KCNQ5: variants seen among roughly 807,000 people sequenced by gnomAD.
KCNQ5 encodes the protein potassium voltage-gated channel subfamily Q member 5, also known as potassium voltage-gated channel subfamily KQT member 5.
A neutral mutation model predicts 98.2 loss-of-function variants in KCNQ5; 30 were observed. The observed-to-expected ratio is 0.31, with a 90% CI of 0.23 to 0.41. KCNQ5 has a LOEUF of 0.41. KCNQ5 is among the 10% of genes least tolerant of loss of function. KCNQ5 has a pLI of 1.00. For missense variants in KCNQ5, 835 were observed against 1,182.5 expected (o/e 0.71, Z 4.31); for synonymous variants, 458 against 449.4 (o/e 1.02, Z -0.24).
chr6:72,896,148 CAATGTAGTTGA>C (rs1438781823), intron 1 of KCNQ5, among the ~76,000 whole-genome samples: 1 of 152,082 alleles, frequency 6.6e-6, no homozygotes, highest in African/African-American at 2.4e-5. Context: ...AAGGAGGTCA[CAATGTAGTTGA>C]AATGTCATAT....
chr6:73,121,132 G>A (rs1014453346), intron 8 of KCNQ5, among the ~76,000 whole-genome samples: 1 of 152,016 alleles, frequency 6.6e-6, no homozygotes. Context: ...GGGACCCAGC[G>A]GATTAAAATT....
At chr6:72,861,734 C>G (rs1239442648) in intron 1 of KCNQ5, among the ~76,000 whole-genome samples, 1 of 151,698 alleles carries the variant, frequency 6.6e-6, no homozygotes, top group Non-Finnish European at 1.5e-5. Flanking sequence ...AGAAGGCTCC[C>G]AAAATGATAT....
At chr6:72,871,611 A>G (rs1269547864) in intron 1 of KCNQ5, among the ~76,000 whole-genome samples, 2 of 152,236 alleles carry the variant, frequency 1.3e-5, no homozygotes, top group African/African-American at 4.8e-5. Flanking sequence ...ATTCTAAATT[A>G]TACTTGTCAT....
chr6:73,050,012 G>C (rs1337440196), intron 3 of KCNQ5, among the ~76,000 whole-genome samples: 1 of 151,704 alleles, frequency 6.6e-6, no homozygotes, highest in Non-Finnish European at 1.5e-5. Context: ...AACATAATGA[G>C]ACCCTATCTC....
intron 8 of KCNQ5, 75 bp from the exon 9 acceptor site, chr6:73,124,411 T>C: frequency 7.6e-7 from 1 of 1,320,706 alleles, no homozygotes; most frequent in Non-Finnish European, 1.1e-6. Context: ...CAATCTCCAA[T>C]TTGGCCATTA....
chr6:73,033,954 G>T (rs1029383132), intron 2 of KCNQ5, among the ~76,000 whole-genome samples: 2 of 152,156 alleles, frequency 1.3e-5, no homozygotes, highest in Non-Finnish European at 2.9e-5. Context: ...ATTGATGATG[G>T]TATGTGATGT....
chr6:72,777,296 T>C (rs1773207494), intron 1 of KCNQ5, among the ~76,000 whole-genome samples: 1 of 152,170 alleles, frequency 6.6e-6, no homozygotes, highest in Non-Finnish European at 1.5e-5. Flanking sequence ...ACTATAGCAC[T>C]CAAAGGACGG....
chr6:72,709,858 A>G (rs1769275345), intron 1 of KCNQ5, among the ~76,000 whole-genome samples: 1 of 152,232 alleles, frequency 6.6e-6, no homozygotes, highest in Admixed American at 6.5e-5. Context: ...ATGAATCTGT[A>G]CTAGATTTGT....
At chr6:72,685,346 TTAACAAAACTA>T (rs1767896341) in intron 1 of KCNQ5, among the ~76,000 whole-genome samples, 1 of 152,254 alleles carries the variant, frequency 6.6e-6, no homozygotes, top group African/African-American at 2.4e-5. Context: ...CAGTTTTTAG[TTAACAAAACTA>T]TATGCATTCC....
chr6:72,980,854 A>T (rs1043644515), intron 1 of KCNQ5, among the ~76,000 whole-genome samples: 5 of 152,046 alleles, frequency 3.3e-5, no homozygotes, highest in African/African-American at 1.2e-4. Flanking sequence ...TTCCATCAAT[A>T]CCTAGTTTAT....
chr6:72,911,507 T>C (rs1440516370), intron 1 of KCNQ5, among the ~76,000 whole-genome samples: 1 of 152,078 alleles, frequency 6.6e-6, no homozygotes, highest in African/African-American at 2.4e-5. Flanking sequence ...CACCAGTTTA[T>C]GGTGGTTTGT....
At chr6:73,063,721 T>TAGATAATAGATA (rs1554203585) in intron 3 of KCNQ5, among the ~76,000 whole-genome samples, 2 of 96,034 alleles carry the variant, frequency 2.1e-5, no homozygotes, top group Non-Finnish European at 4.4e-5. Context: ...GATAGATAGA[T>TAGATAATAGATA]GATAGATAGA....
chr6:72,754,885 C>G (rs1771883527), intron 1 of KCNQ5, among the ~76,000 whole-genome samples: 1 of 151,936 alleles, frequency 6.6e-6, no homozygotes, highest in African/African-American at 2.4e-5. Flanking sequence ...CTATAGATTA[C>G]TGGAAGAAAA....
intron 10 of KCNQ5, among the ~76,000 whole-genome samples, chr6:73,138,844 G>A (rs956699725): frequency 3.3e-5 from 5 of 152,226 alleles, no homozygotes; most frequent in African/African-American, 1.2e-4. Context: ...TCCAGGCACT[G>A]ATGGTAATTC....
At chr6:72,817,140 T>C (rs1195353440) in intron 1 of KCNQ5, among the ~76,000 whole-genome samples, 1 of 152,214 alleles carries the variant, frequency 6.6e-6, no homozygotes, top group Non-Finnish European at 1.5e-5. Flanking sequence ...ATGGAAGAGT[T>C]CATCTGGAAA....
At chr6:73,097,893 C>A (rs1165024974) in intron 5 of KCNQ5, among the ~76,000 whole-genome samples, 1 of 152,116 alleles carries the variant, frequency 6.6e-6, no homozygotes, top group Non-Finnish European at 1.5e-5. Context: ...ACCAGGAAAG[C>A]CTTCCCAAGG....
At chr6:72,767,321 A>G (rs1000370894) in intron 1 of KCNQ5, among the ~76,000 whole-genome samples, 1 of 152,046 alleles carries the variant, frequency 6.6e-6, no homozygotes, top group African/African-American at 2.4e-5. Context: ...ACCTCACATT[A>G]TACACAAAAA....
chr6:72,955,274 T>G (rs1766987707), intron 1 of KCNQ5, among the ~76,000 whole-genome samples: 1 of 152,182 alleles, frequency 6.6e-6, no homozygotes, highest in South Asian at 2.1e-4. Context: ...TAAATTTAAA[T>G]TGGATACATA....
At chr6:73,169,244 C>A (rs1777915385) in intron 10 of KCNQ5, among the ~76,000 whole-genome samples, 1 of 152,184 alleles carries the variant, frequency 6.6e-6, no homozygotes, top group Non-Finnish European at 1.5e-5. Context: ...TCTTTCCTGG[C>A]TGCCTGTATC....
Sources: allele counts gnomAD v4.1 joint callset (sites outside exome capture counted in the v4.1 genomes callset), GRCh38; gene constraint gnomAD v4.1.1; transcripts MANE v1.5; gene names NCBI Gene and HGNC (gene_info 2026-07-23, HGNC 2026-07-21).